GRIP1: variants seen among roughly 807,000 people sequenced by gnomAD.
GRIP1 encodes the protein glutamate receptor-interacting protein 1.
Under a neutral mutation model 129.9 loss-of-function variants are expected in GRIP1, and 45 were observed. That is an observed-to-expected ratio of 0.35 (90% CI 0.27 to 0.44). The LOEUF is 0.44. Ranked by LOEUF, GRIP1 falls within the 20% of genes least tolerant of loss-of-function variation. GRIP1 has a pLI of 1.00. For synonymous variants in GRIP1, 530 were observed against 520.8 expected (o/e 1.02, Z -0.24); for missense variants, 1,196 against 1,396.8 (o/e 0.86, Z 2.29).
At chr12:67,043,881 A>T (rs538355226) in intron 1 of GRIP1, among the ~76,000 whole-genome samples, 115 of 151,066 alleles carry the variant, frequency 7.6e-4, no homozygotes, top group East Asian at 1.7e-3. Context: ...TTTTTTTTTT[A>T]AAAAGGAGAA....
chr12:67,001,203 C>G (rs1250504272), intron 1 of GRIP1, among the ~76,000 whole-genome samples: 2 of 152,184 alleles, frequency 1.3e-5, no homozygotes, highest in Admixed American at 6.5e-5. Context: ...TTCTGATTGT[C>G]TCTCCAGATT....
At chr12:66,544,774 T>C (rs1471369702) in intron 2 of GRIP1, among the ~76,000 whole-genome samples, 1 of 152,326 alleles carries the variant, frequency 6.6e-6, no homozygotes, top group African/African-American at 2.4e-5. Context: ...GAAAGGAACC[T>C]GCTTTTGGAG....
At chr12:66,860,484 C>T (rs1458624647) in intron 1 of GRIP1, among the ~76,000 whole-genome samples, 1 of 152,068 alleles carries the variant, frequency 6.6e-6, no homozygotes. Context: ...TCACCTCTAT[C>T]CTCTTCACAT....
chr12:66,458,487 T>C (rs1908121), intron 9 of GRIP1, among the ~76,000 whole-genome samples: 69,559 of 151,976 alleles, frequency 0.46, 16,080 homozygotes, highest in Middle Eastern at 0.66. Flanking sequence ...CAGGTTCAAG[T>C]GATTCTCTCA....
intron 1 of GRIP1, among the ~76,000 whole-genome samples, chr12:66,778,247 C>T (rs886121550): frequency 2.0e-5 from 3 of 151,916 alleles, no homozygotes; most frequent in Admixed American, 1.3e-4. Context: ...AACAATAAAA[C>T]GATCTCTCCA....
chr12:66,497,779 C>T (rs1488226600), intron 7 of GRIP1, among the ~76,000 whole-genome samples: 2 of 152,164 alleles, frequency 1.3e-5, no homozygotes, highest in Admixed American at 6.5e-5. Context: ...CTGTGTACGT[C>T]AGGCCTCTGA....
intron 2 of GRIP1, among the ~76,000 whole-genome samples, chr12:66,569,865 A>C (rs12319603): frequency 0.017 from 2,645 of 152,236 alleles, 71 homozygotes; most frequent in African/African-American, 0.06. Flanking sequence ...CAGTTTAGAC[A>C]ACAGTACATA....
chr12:67,062,963 A>T (rs2135894398), intron 1 of GRIP1, among the ~76,000 whole-genome samples: 1 of 152,342 alleles, frequency 6.6e-6, no homozygotes, highest in South Asian at 2.1e-4. Context: ...CTAAGGTGTT[A>T]ACAGACCTAT....
chr12:67,025,972 T>G (rs1206621072), intron 1 of GRIP1, among the ~76,000 whole-genome samples: 1 of 152,112 alleles, frequency 6.6e-6, no homozygotes, highest in Non-Finnish European at 1.5e-5. Flanking sequence ...TCTTTTTGAG[T>G]TGGAGGAGTG....
intron 7 of GRIP1, among the ~76,000 whole-genome samples, chr12:66,492,370 C>T (rs943604860): frequency 6.6e-6 from 1 of 152,078 alleles, no homozygotes; most frequent in Non-Finnish European, 1.5e-5. Flanking sequence ...CCAAATACTA[C>T]TAAAGTACCA....
At chr12:66,507,088 T>C (rs1462861048) in intron 7 of GRIP1, among the ~76,000 whole-genome samples, 13 of 152,174 alleles carry the variant, frequency 8.5e-5, no homozygotes, top group Admixed American at 8.5e-4. Flanking sequence ...GTGTTATAAA[T>C]ACTTTAGCAG....
At chr12:66,459,592 T>G (rs2059073765) in intron 9 of GRIP1, among the ~76,000 whole-genome samples, 1 of 152,256 alleles carries the variant, frequency 6.6e-6, no homozygotes, top group Non-Finnish European at 1.5e-5. Flanking sequence ...TTTCTCAGAC[T>G]GTGCCAATTG....
intron 1 of GRIP1, among the ~76,000 whole-genome samples, chr12:66,745,849 T>C (rs1261604995): frequency 2.0e-5 from 3 of 152,106 alleles, no homozygotes; most frequent in Admixed American, 6.5e-5. Context: ...GATCAGAGTA[T>C]AGTCTGTAAG....
intron 14 of GRIP1, among the ~76,000 whole-genome samples, chr12:66,430,284 G>C (rs2058109896): frequency 6.6e-6 from 1 of 152,188 alleles, no homozygotes; most frequent in South Asian, 2.1e-4. Flanking sequence ...AGACACAAAA[G>C]TCAGCGTGGT....
At chr12:66,742,995 C>T (rs1592798799) in intron 1 of GRIP1, among the ~76,000 whole-genome samples, 1 of 152,168 alleles carries the variant, frequency 6.6e-6, no homozygotes, top group East Asian at 1.9e-4. Flanking sequence ...CAATGTACCA[C>T]AGAAACAGCA....
chr12:66,393,739 C>T (rs2056682977), intron 17 of GRIP1, among the ~76,000 whole-genome samples: 1 of 152,092 alleles, frequency 6.6e-6, no homozygotes, highest in Non-Finnish European at 1.5e-5. Flanking sequence ...GCTTTTAAGA[C>T]ATTATTAAAA....
chr12:66,699,082 C>T (rs1453441422), intron 1 of GRIP1, among the ~76,000 whole-genome samples: 1 of 152,130 alleles, frequency 6.6e-6, no homozygotes, highest in Admixed American at 6.6e-5. Context: ...TAGGTTACCA[C>T]ATGTGTCCCA....
At chr12:66,388,744 T>A (rs1250206188) in intron 19 of GRIP1, among the ~76,000 whole-genome samples, 1 of 152,212 alleles carries the variant, frequency 6.6e-6, no homozygotes, top group Non-Finnish European at 1.5e-5. Context: ...CCCACAAGGT[T>A]TCGTCATTCC....
chr12:66,936,240 T>C (rs1296095321), intron 1 of GRIP1, among the ~76,000 whole-genome samples: 3 of 151,998 alleles, frequency 2.0e-5, no homozygotes, highest in African/African-American at 7.2e-5. Flanking sequence ...GGCAACATAG[T>C]GAGACCTTGT....
Sources: gnomAD v4.1 joint callset for allele counts (sites outside exome capture counted in the v4.1 genomes callset) on GRCh38, gnomAD v4.1.1 for gene constraint, MANE v1.5 for transcripts, NCBI Gene and HGNC (gene_info 2026-07-23, HGNC 2026-07-21) for gene names.